Variants in PTPN3 observed in about 807,000 individuals in gnomAD.
The protein encoded by PTPN3 is tyrosine-protein phosphatase non-receptor type 3.
A neutral mutation model predicts 132.7 loss-of-function variants in PTPN3; 96 were observed. The observed-to-expected ratio is 0.72, with a 90% CI of 0.61 to 0.86. The LOEUF is 0.86. PTPN3 is among the 40% of genes least tolerant of loss of function. PTPN3 has a pLI of 0.00. For missense variants in PTPN3, 1,125 were observed against 1,159.6 expected (o/e 0.97, Z 0.43); for synonymous variants, 398 against 429.0 (o/e 0.93, Z 0.89).
chr9:109,531,606 C>A, the PTPN3 span, among the ~76,000 whole-genome samples: 3 of 152,262 alleles, frequency 2.0e-5, no homozygotes, highest in South Asian at 6.2e-4. Context: ...ATAACACCTA[C>A]CTTCAGGTGT....
At chr9:109,449,353 C>T (rs1845087949) in intron 5 of PTPN3, 4 of 986,598 alleles carry the variant, frequency 4.1e-6, no homozygotes, top group Non-Finnish European at 4.8e-6. Flanking sequence ...GGCTGGGGTA[C>T]AAACCCCCAG....
chr9:109,477,839 C>T (rs1265371127), intron 1 of PTPN3, among the ~76,000 whole-genome samples: 2 of 152,234 alleles, frequency 1.3e-5, no homozygotes, highest in African/African-American at 4.8e-5. Flanking sequence ...CTCGGAACTG[C>T]CAGGACTCCT....
chr9:109,471,732 T>C (rs1315512786), intron 1 of PTPN3, among the ~76,000 whole-genome samples: 2 of 151,898 alleles, frequency 1.3e-5, no homozygotes, highest in South Asian at 2.1e-4. Context: ...CTCAAACTCC[T>C]GGGCTCAAGC....
intron 9 of PTPN3, among the ~76,000 whole-genome samples, chr9:109,436,437 T>A (rs754368833): frequency 8.5e-5 from 13 of 152,228 alleles, no homozygotes; most frequent in Non-Finnish European, 1.5e-4. Flanking sequence ...ACAACTAATT[T>A]CAAATATTTA....
At chr9:109,464,393 G>A (rs754967620) in intron 1 of PTPN3, among the ~76,000 whole-genome samples, 1 of 152,144 alleles carries the variant, frequency 6.6e-6, no homozygotes, top group Non-Finnish European at 1.5e-5. Context: ...TAGCTACCAG[G>A]GCCTACGTGA....
At chr9:109,509,720 G>A in the PTPN3 span, among the ~76,000 whole-genome samples, 1 of 152,190 alleles carries the variant, frequency 6.6e-6, no homozygotes, top group Non-Finnish European at 1.5e-5. Flanking sequence ...ATATTCAAAT[G>A]CCAATTCACA....
At chr9:109,409,838 C>G (rs1250520550) in intron 16 of PTPN3, among the ~76,000 whole-genome samples, 161 bp downstream of exon 16, 1 of 151,970 alleles carries the variant, frequency 6.6e-6, no homozygotes, top group African/African-American at 2.4e-5. Context: ...CCAAATATCT[C>G]AAACCAAACA....
chr9:109,449,131 G>A, intron 5 of PTPN3: 1 of 1,246,178 alleles, frequency 8.0e-7, no homozygotes, highest in Non-Finnish European at 1.0e-6. Context: ...TGAATGGGGT[G>A]GAAACAGCCC....
In PTPN3 at chr9:109,457,281, A is replaced by G; in HGVS notation, c.246+11T>C. 6.2e-7 allele frequency: 1 copy of G among 1,612,990 alleles called. No individual in the cohort carries two copies. Among genetic ancestry groups the G allele is most frequent in the Non-Finnish European group, 8.5e-7 (1 of 1,179,230 alleles). ...AAGGAGTTCAGCACATTTTTTAAAA[A>G]TGGCACTTACAGGAGAGTCCACGGA... On this transcript the variant is annotated intron_variant, in intron 3 of 25. Transcript: ENST00000374541.
chr9:109,417,532 GTTT>G, intron 14 of PTPN3: 10 of 804,542 alleles, frequency 1.2e-5, no homozygotes, highest in Non-Finnish European at 1.3e-5. Context: ...TAACCAACAG[GTTT>G]TTTTTTTTTT....
chr9:109,429,200 AG>A (rs1054112797), intron 10 of PTPN3, among the ~76,000 whole-genome samples: 2 of 152,208 alleles, frequency 1.3e-5, no homozygotes, highest in Non-Finnish European at 2.9e-5. Context: ...CCCTCAACGA[AG>A]CCCTGCAACA....
At chr9:109,462,990 G>A (rs760062194) in intron 2 of PTPN3, among the ~76,000 whole-genome samples, 11 of 150,708 alleles carry the variant, frequency 7.3e-5, no homozygotes, top group Non-Finnish European at 1.3e-4. Context: ...TGGTGCTTCC[G>A]TGGAGTCCTC....
chr9:109,495,870 T>C (rs556458249), intron 1 of PTPN3, among the ~76,000 whole-genome samples: 19 of 152,216 alleles, frequency 1.2e-4, no homozygotes, highest in Non-Finnish European at 2.4e-4. Context: ...CTTGGGCTTT[T>C]TCTCCTGCTC....
chr9:109,382,225 T>C, intron 24 of PTPN3, 77 bp downstream of exon 24: 1 of 1,508,428 alleles, frequency 6.6e-7, no homozygotes, highest in Admixed American at 1.8e-5. Flanking sequence ...AGGGTGGGTC[T>C]GGCGCCTGCC....
Position 109,383,554 on chromosome 9 carries a change from G to C in PTPN3, c.2254-3C>G. On this transcript the variant is annotated splice_polypyrimidine_tract_variant and splice_region_variant and intron_variant, in intron 22 of 25. Transcript: ENST00000374541. ...GGCCAGTACTGGTGACATTTGGTCT[G>C]TAAGAAACCACCGAGAGTGAGTGAG... 2.5e-6 allele frequency: 4 copies of C among 1,608,848 alleles called. No individual in the cohort carries two copies. Among genetic ancestry groups the C allele is most frequent in the Non-Finnish European group, 3.4e-6 (4 of 1,177,476 alleles).
chr9:109,391,055 A>G, intron 21 of PTPN3, 83 bp downstream of exon 21: 4 of 1,290,016 alleles, frequency 3.1e-6, no homozygotes, highest in Non-Finnish European at 4.4e-6. Flanking sequence ...CACTGTGTCA[A>G]CTGCAAAGCC....
At chr9:109,388,115 A>G (rs1839754022) in intron 22 of PTPN3, among the ~76,000 whole-genome samples, 1 of 152,142 alleles carries the variant, frequency 6.6e-6, no homozygotes, top group Non-Finnish European at 1.5e-5. Flanking sequence ...GGAGAAAACA[A>G]ATGGGAGATG....
Position 109,391,185 on chromosome 9 carries a change from C to G in PTPN3, c.2059G>C (p.Val687Leu). ...KDVLPYDTTRVLLQGNEDYIN... is the reference protein window; with the variant it reads ...KDVLPYDTTRLLLQGNEDYIN... ...TAATCTTCATTTCCCTGCAATAATACCCGGGTGGTGTCATCTGCGGGGAAG... is the reference window on the plus strand; with the variant it reads ...TAATCTTCATTTCCCTGCAATAATAGCCGGGTGGTGTCATCTGCGGGGAAG... Residue 687 changes from valine (V) to leucine (L), a missense_variant, in exon 21 of 26, where the codon GTA becomes CTA. By Grantham distance (32) the Val-to-Leu change is conservative (BLOSUM62 1). Transcript: ENST00000374541. 1.2e-6 allele frequency: 2 copies of G among 1,613,280 alleles called. No individual in the cohort carries two copies. The highest frequency in any genetic ancestry group is 1.7e-6 in the Non-Finnish European group (2 of 1,179,548).
intron 21 of PTPN3, 146 bp from the exon 22 acceptor site, chr9:109,389,525 C>G: frequency 1.2e-6 from 1 of 843,832 alleles, no homozygotes; most frequent in Non-Finnish European, 1.7e-6. Flanking sequence ...GAAAATCAAA[C>G]AAGTTATTTC....
Sources: allele counts gnomAD v4.1 joint callset (sites outside exome capture counted in the v4.1 genomes callset), GRCh38; gene constraint gnomAD v4.1.1; transcripts MANE v1.5; gene names NCBI Gene and HGNC (gene_info 2026-07-23, HGNC 2026-07-21).